The following PDIA6 variants were observed in gnomAD, a reference collection of about 807,000 sequenced individuals.
PDIA6 encodes the protein protein disulfide isomerase family A member 6, also known as protein disulfide-isomerase A6.
A neutral mutation model predicts 58.4 loss-of-function variants in PDIA6; 29 were observed. That is an observed-to-expected ratio of 0.50 (90% CI 0.37 to 0.68). The LOEUF (loss-of-function observed/expected upper bound fraction) is 0.68. Ranked by LOEUF, PDIA6 falls within the 30% of genes least tolerant of loss-of-function variation. The probability of loss-of-function intolerance (pLI) is 0.00; values close to 1 mark genes in which losing one functional copy is unlikely to be tolerated. For synonymous variants in PDIA6, 192 were observed against 202.6 expected (o/e 0.95, Z 0.44); for missense variants, 480 against 551.0 (o/e 0.87, Z 1.29).
At chr2:10,797,051 G>T (rs1572666094) in intron 4 of PDIA6, 30 bp downstream of exon 4, 1 of 1,605,182 alleles carries the variant, frequency 6.2e-7, no homozygotes, top group East Asian at 2.2e-5. Flanking sequence ...TGTCTACCAG[G>T]GGAATGAAGT....
At chr2:10,834,726 CCTTCCCTCCTTCCTT>C (rs1558468737), upstream of PDIA6, among the ~76,000 whole-genome samples, 267 of 17,352 alleles carry the variant, frequency 0.015, 12 homozygotes, top group Non-Finnish European at 0.024. Context: ...TCCCTCCCTT[CCTTCCCTCCTTCCTT>C]CCTTCCTTCC....
upstream of PDIA6, among the ~76,000 whole-genome samples, chr2:10,834,212 C>T (rs1464020707): frequency 6.6e-6 from 1 of 152,266 alleles, no homozygotes; most frequent in Non-Finnish European, 1.5e-5. Flanking sequence ...GCCTCACTCT[C>T]CTTTCAGGCT....
intron 6 of PDIA6, 99 bp downstream of exon 6, chr2:10,791,696 T>C: frequency 5.6e-6 from 6 of 1,067,784 alleles, no homozygotes; most frequent in Non-Finnish European, 8.1e-6. Context: ...GAAGAGATCT[T>C]AGTGGTGATC....
upstream of PDIA6, among the ~76,000 whole-genome samples, chr2:10,816,446 A>G (rs1000282763): frequency 6.8e-6 from 1 of 147,372 alleles, no homozygotes; most frequent in South Asian, 2.1e-4. Flanking sequence ...GCTCCAGCCT[A>G]GAGTCAGGTG....
upstream of PDIA6, among the ~76,000 whole-genome samples, chr2:10,833,779 C>T (rs532038377): frequency 5.8e-4 from 88 of 152,302 alleles, no homozygotes; most frequent in South Asian, 5.0e-3. Flanking sequence ...ATGTGGACAT[C>T]GAGCCTGGAA....
chr2:10,831,784 G>A (rs1667716910), intron 1 of PDIA6, among the ~76,000 whole-genome samples: 1 of 152,054 alleles, frequency 6.6e-6, no homozygotes, highest in Admixed American at 6.6e-5. Flanking sequence ...CCAGCTCCCG[G>A]CCGTAGTCAT....
At chr2:10,809,657 A>C (rs1207011341) in intron 1 of PDIA6, among the ~76,000 whole-genome samples, 8 of 149,962 alleles carry the variant, frequency 5.3e-5, no homozygotes, top group South Asian at 2.1e-4. Flanking sequence ...AAAAAAAAAA[A>C]AAAAAAAAAA....
At chr2:10,833,434 C>T (rs1558468141), upstream of PDIA6, among the ~76,000 whole-genome samples, 1 of 152,216 alleles carries the variant, frequency 6.6e-6, no homozygotes, top group African/African-American at 2.4e-5. Context: ...TCCCCACCCC[C>T]TCTGGGGGTT....
chr2:10,797,275 C>T, intron 3 of PDIA6, 68 bp from the exon 4 acceptor site: 2 of 1,507,672 alleles, frequency 1.3e-6, no homozygotes, highest in Non-Finnish European at 1.8e-6. Context: ...AACTCATTAT[C>T]TGCTTCACAT....
chr2:10,808,805 G>C (rs1054761096), intron 1 of PDIA6, among the ~76,000 whole-genome samples: 1 of 152,148 alleles, frequency 6.6e-6, no homozygotes, highest in African/African-American at 2.4e-5. Context: ...AAGACTTAAT[G>C]GAGGGAAAAA....
chr2:10,837,468 G>T, upstream of PDIA6: 1 of 686,328 alleles, frequency 1.5e-6, no homozygotes, highest in Non-Finnish European at 2.7e-6. Context: ...GCCAGGGAGA[G>T]GTTGGTATGG....
intron 1 of PDIA6, among the ~76,000 whole-genome samples, chr2:10,823,971 A>G (rs1667477015): frequency 6.6e-6 from 1 of 152,094 alleles, no homozygotes; most frequent in Non-Finnish European, 1.5e-5. Flanking sequence ...TAAGCTTCCC[A>G]TGGGGGTCCA....
intron 1 of PDIA6, among the ~76,000 whole-genome samples, chr2:10,807,324 AC>A (rs752478716): frequency 2.6e-5 from 4 of 152,092 alleles, no homozygotes; most frequent in Non-Finnish European, 5.9e-5. Flanking sequence ...TGATCCTCCC[AC>A]CTCAGCACCC....
rs1008231839 is a variant in PDIA6 at position 10,812,563 on chromosome 2, G to C, written c.19+115C>G. On this transcript the variant is annotated intron_variant, in intron 1 of 12. Coordinates refer to ENST00000272227, the MANE Select transcript of PDIA6 (RefSeq NM_005742.4). Reference sequence around the variant, plus strand: ...ACGCCGAGGCCCGCGCCTCCCGCCCGCCAGGCCCACTTCCGGCCGCCTGCG... The same window carrying C: ...ACGCCGAGGCCCGCGCCTCCCGCCCCCCAGGCCCACTTCCGGCCGCCTGCG... The C allele has an allele frequency of 3.3e-5, 36 of 1,085,204 alleles. No individual in the cohort carries two copies. In the South Asian group the frequency reaches 7.1e-4, roughly 21 times the overall value. 67.2% of individuals were successfully genotyped at this position (1,085,204 alleles called of 1,614,324 possible).
intron 1 of PDIA6, among the ~76,000 whole-genome samples, chr2:10,828,999 C>T (rs1194882704): frequency 1.3e-5 from 2 of 152,226 alleles, no homozygotes; most frequent in Non-Finnish European, 2.9e-5. Context: ...TCCCCCACCC[C>T]GTCTTCAGTG....
At chr2:10,804,784 T>C (rs113762604) in intron 1 of PDIA6, among the ~76,000 whole-genome samples, 29,131 of 119,288 alleles carry the variant, frequency 0.24, 2,168 homozygotes, top group South Asian at 0.34. Context: ...TTTCACGATA[T>C]TGATTCTTCC....
chr2:10,824,993 T>C (rs1432489587), intron 1 of PDIA6, among the ~76,000 whole-genome samples: 1 of 152,144 alleles, frequency 6.6e-6, no homozygotes, highest in African/African-American at 2.4e-5. Context: ...CCACCCTTAA[T>C]CTGGGTGGGC....
chr2:10,812,829 C>T (rs2148567635), upstream of PDIA6: 2 of 1,177,450 alleles, frequency 1.7e-6, no homozygotes, highest in Middle Eastern at 6.9e-4. Context: ...CGCGCGGGGG[C>T]GGGCCGGAAG....
intron 2 of PDIA6, among the ~76,000 whole-genome samples, chr2:10,817,947 G>A (rs772920597): frequency 2.4e-4 from 37 of 152,138 alleles, no homozygotes; most frequent in Admixed American, 1.3e-4. Flanking sequence ...CTGGGCTAAC[G>A]TACCCACAGA....
Sources: allele counts gnomAD v4.1 joint callset (sites outside exome capture counted in the v4.1 genomes callset), GRCh38; gene constraint gnomAD v4.1.1; transcripts MANE v1.5; gene names NCBI Gene and HGNC (gene_info 2026-07-23, HGNC 2026-07-21).